Variants in CASD1 observed in about 807,000 individuals in gnomAD.
The protein encoded by CASD1 is CAS1 domain sialic acid O acetyltransferase 1.
CASD1 carries 41 observed loss-of-function variants against 100.0 expected under a neutral mutation model. The observed-to-expected ratio is 0.41, with a 90% CI of 0.32 to 0.53. CASD1 has a LOEUF of 0.53. Ranked by LOEUF, CASD1 falls within the 20% of genes least tolerant of loss-of-function variation. CASD1 has a pLI of 0.25. For synonymous variants in CASD1, 321 were observed against 315.6 expected (o/e 1.02, Z -0.18); for missense variants, 774 against 948.7 (o/e 0.82, Z 2.42).
intron 10 of CASD1, among the ~76,000 whole-genome samples, chr7:94,543,720 C>T (rs1303388810): frequency 6.6e-6 from 1 of 151,216 alleles, no homozygotes; most frequent in Non-Finnish European, 1.5e-5. Flanking sequence ...AAAGGATCAG[C>T]TGGTGTAGAA....
At chr7:94,562,373 C>A in the CASD1 span, among the ~76,000 whole-genome samples, 1 of 152,122 alleles carries the variant, frequency 6.6e-6, no homozygotes, top group South Asian at 2.1e-4. Context: ...CTAAGTGTTT[C>A]TTCAGACCAC....
At chr7:94,614,024 T>C in the CASD1 span, among the ~76,000 whole-genome samples, 1 of 148,670 alleles carries the variant, frequency 6.7e-6, no homozygotes, top group African/African-American at 2.5e-5. Context: ...AGGAAAACAT[T>C]GAAAACTTGA....
At chr7:94,579,669 T>C in the CASD1 span, among the ~76,000 whole-genome samples, 1 of 152,202 alleles carries the variant, frequency 6.6e-6, no homozygotes, top group Non-Finnish European at 1.5e-5. Flanking sequence ...CAACACACTT[T>C]AGCTGCTGCA....
intron 10 of CASD1, among the ~76,000 whole-genome samples, chr7:94,540,215 A>G (rs1183923046): frequency 1.3e-5 from 2 of 152,186 alleles, no homozygotes; most frequent in Non-Finnish European, 2.9e-5. Context: ...TTTCCATAAA[A>G]TATGTTTAAA....
At chr7:94,521,818 G>T (rs779115791) in intron 3 of CASD1, among the ~76,000 whole-genome samples, 2 of 152,202 alleles carry the variant, frequency 1.3e-5, no homozygotes, top group Non-Finnish European at 2.9e-5. Context: ...AGGCACGGTG[G>T]CTCATGCCTG....
chr7:94,589,830 TA>T, the CASD1 span: 1 of 173,938 alleles, frequency 5.7e-6, no homozygotes, highest in Non-Finnish European at 1.2e-5. Context: ...GTGAGTTATA[TA>T]ATATTTCATT....
the CASD1 span, among the ~76,000 whole-genome samples, chr7:94,569,186 T>TA: frequency 9.2e-5 from 14 of 152,258 alleles, 1 homozygote; most frequent in South Asian, 2.7e-3. Context: ...AAAATGCATA[T>TA]ACCACATCTG....
chr7:94,516,007 G>A (rs1323163644), intron 1 of CASD1, among the ~76,000 whole-genome samples: 1 of 151,938 alleles, frequency 6.6e-6, no homozygotes, highest in Non-Finnish European at 1.5e-5. Context: ...TGTGTTTCTG[G>A]AGTTCTTTTT....
chr7:94,594,936 G>A, the CASD1 span, among the ~76,000 whole-genome samples: 1 of 152,044 alleles, frequency 6.6e-6, no homozygotes, highest in Non-Finnish European at 1.5e-5. Flanking sequence ...TACATCTCCA[G>A]GTTCTGCTCC....
the CASD1 span, among the ~76,000 whole-genome samples, chr7:94,590,265 ATAT>A: frequency 6.6e-6 from 1 of 152,164 alleles, no homozygotes; most frequent in South Asian, 2.1e-4. Flanking sequence ...AATTTTTAAC[ATAT>A]TATTTTTAAT....
the CASD1 span, chr7:94,624,838 T>C: frequency 6.6e-6 from 1 of 152,158 alleles, no homozygotes; most frequent in South Asian, 2.1e-4. Flanking sequence ...ATCACAAATT[T>C]CATTATTATA....
the CASD1 span, among the ~76,000 whole-genome samples, chr7:94,582,701 C>G: frequency 3.5e-4 from 54 of 152,176 alleles, no homozygotes; most frequent in Non-Finnish European, 6.2e-4. Context: ...ACCTTGCTGA[C>G]TAGGTGAAGT....
At chr7:94,591,424 T>G in the CASD1 span, among the ~76,000 whole-genome samples, 1 of 152,136 alleles carries the variant, frequency 6.6e-6, no homozygotes. Context: ...CCTTACCATC[T>G]CTAGCTCTAC....
At chr7:94,523,086 C>T (rs1794373493) in intron 3 of CASD1, among the ~76,000 whole-genome samples, 1 of 152,114 alleles carries the variant, frequency 6.6e-6, no homozygotes, top group African/African-American at 2.4e-5. Context: ...ATTGTAGAAG[C>T]CTACAGAAAA....
the CASD1 span, chr7:94,625,358 T>C: frequency 2.0e-5 from 3 of 151,870 alleles, no homozygotes; most frequent in Non-Finnish European, 4.4e-5. Flanking sequence ...ATGGTAAACT[T>C]TCTTTTTTTT....
the CASD1 span, among the ~76,000 whole-genome samples, chr7:94,609,897 C>G: frequency 2.6e-5 from 4 of 152,242 alleles, no homozygotes; most frequent in Non-Finnish European, 5.9e-5. Flanking sequence ...CACACAAAAG[C>G]CTGCACATGG....
intron 3 of CASD1, among the ~76,000 whole-genome samples, chr7:94,523,676 A>G (rs10267474): frequency 0.44 from 66,128 of 151,996 alleles, 14,936 homozygotes; most frequent in South Asian, 0.52. Flanking sequence ...CAAAATCCTA[A>G]CAGAATTTGT....
the CASD1 span, chr7:94,587,817 A>C: frequency 1.3e-6 from 2 of 1,543,854 alleles, no homozygotes; most frequent in Admixed American, 4.1e-5. Flanking sequence ...AATCTCCTTA[A>C]ATTCACGAAA....
At chr7:94,603,387 T>G in the CASD1 span, 1 of 1,613,176 alleles carries the variant, frequency 6.2e-7, no homozygotes, top group Non-Finnish European at 8.5e-7. Flanking sequence ...CAATTGATTC[T>G]GTGGATTTTC....
Sources: allele counts gnomAD v4.1 joint callset (sites outside exome capture counted in the v4.1 genomes callset), GRCh38; gene constraint gnomAD v4.1.1; transcripts MANE v1.5; gene names NCBI Gene and HGNC (gene_info 2026-07-23, HGNC 2026-07-21).